LMAN2: variants seen among roughly 807,000 people sequenced by gnomAD.
LMAN2 encodes lectin, mannose binding 2.
LMAN2 carries 22 observed loss-of-function variants against 39.3 expected under a neutral mutation model. The ratio of observed to expected loss-of-function variants is 0.56; its 90% confidence interval spans 0.40 to 0.80. The LOEUF (loss-of-function observed/expected upper bound fraction) is 0.80. Ranked by LOEUF, LMAN2 falls within the 30% of genes least tolerant of loss-of-function variation. The pLI is 0.00. For synonymous variants in LMAN2, 207 were observed against 207.8 expected, an observed-to-expected ratio of 1.00 and a Z score of 0.03; for missense variants, 494 against 505.4, an observed-to-expected ratio of 0.98 and a Z score of 0.22.
rs771158865 is a variant in LMAN2, at chr5:177,332,227, C to T, written c.930G>A (p.Thr310=). 19 of 1,612,654 alleles carry T rather than the reference C, an allele frequency of 1.2e-5. 1 individual carries two copies. The highest frequency in any genetic ancestry group is 1.7e-4 in the Middle Eastern group (1 of 6,038). Residue 310 remains threonine (T), a synonymous_variant, in exon 8 of 8, where the codon ACG becomes ACA. Coordinates refer to ENST00000303127, the MANE Select transcript of LMAN2 (RefSeq NM_006816.3). The surrounding 1 kb of genome is among the most constrained non-coding windows in gnomAD (Gnocchi z 6.3). ...KSPKDNVDDP[T]GNFRSGPLTG... is the part of the protein sequence containing the mutation. Reference sequence around the variant, plus strand: ...TCAGGGGCCCGCTGCGGAAGTTCCCCGTGGGGTCGTCCACGTTGTCTGGGG... The same window carrying T: ...TCAGGGGCCCGCTGCGGAAGTTCCCTGTGGGGTCGTCCACGTTGTCTGGGG...
chr5:177,347,063 CAAT>C (rs1375323775), intron 2 of LMAN2, among the ~76,000 whole-genome samples: 2 of 152,082 alleles, frequency 1.3e-5, no homozygotes, highest in South Asian at 2.1e-4. Flanking sequence ...AGCTATCTAA[CAAT>C]AATAAACAAT....
intron 6 of LMAN2, among the ~76,000 whole-genome samples, chr5:177,336,054 G>C (rs1761464550): frequency 6.6e-6 from 1 of 152,198 alleles, no homozygotes; most frequent in South Asian, 2.1e-4. Context: ...AGGAGGGCCA[G>C]AGACAATAAA....
At chr5:177,336,350 T>C (rs1229318568) in intron 6 of LMAN2, among the ~76,000 whole-genome samples, 1 of 152,160 alleles carries the variant, frequency 6.6e-6, no homozygotes, top group Non-Finnish European at 1.5e-5. Flanking sequence ...ACAGAGGCCC[T>C]GGCGCCCCCT....
At chr5:177,350,105 A>C (rs1490280826) in intron 2 of LMAN2, among the ~76,000 whole-genome samples, 1 of 152,236 alleles carries the variant, frequency 6.6e-6, no homozygotes, top group African/African-American at 2.4e-5. Flanking sequence ...AAAGCTGAAG[A>C]AAGTATCCGC....
At position 177,332,328 on chromosome 5, in the gene LMAN2, C is replaced by T. The variant is rs1049114455; in HGVS notation, c.911-82G>A. ...CTGCAGGAGGGCAGTGGGGATGGAA[C>T]AGGACAGCCGGCCACGGTGGGCAGG... On this transcript the variant is annotated intron_variant, in intron 7 of 7. Transcript: ENST00000303127. This position sits in a 1 kb window ranked among gnomAD's most constrained non-coding sequence, Gnocchi z 6.3. 7.4e-6 allele frequency: 10 copies of T among 1,355,148 alleles called. No homozygotes were observed. In the African/African-American group the frequency reaches 1.1e-4, roughly 15 times the overall value. The allele number at this position is 1,355,148 out of a possible 1,614,324, so 83.9% of individuals were successfully genotyped here.
rs1447262658 is a variant in LMAN2, at chr5:177,332,439, T to C, written c.911-193A>G. Among the ~76,000 whole-genome samples the C allele has an allele frequency of 6.6e-6, 1 of 151,734 alleles. No homozygotes were observed. The highest frequency in any genetic ancestry group is 1.5e-5 in the Non-Finnish European group (1 of 67,900). On this transcript the variant is annotated intron_variant, in intron 7 of 7. Coordinates refer to ENST00000303127, the MANE Select transcript of LMAN2 (RefSeq NM_006816.3). This position sits in a 1 kb window ranked among gnomAD's most constrained non-coding sequence, Gnocchi z 6.3. ...CAGCTCTGCAGTCCCCAGGGCAGGG[T>C]GGGGCAGAGAGAGGACCAAGCCCAC...
intron 6 of LMAN2, among the ~76,000 whole-genome samples, chr5:177,336,254 AG>A (rs1581601495): frequency 6.6e-6 from 1 of 152,184 alleles, no homozygotes; most frequent in East Asian, 1.9e-4. Context: ...CCGGGGCAGG[AG>A]GGCACAGGCG....
intron 2 of LMAN2, among the ~76,000 whole-genome samples, chr5:177,344,235 AT>A (rs1269933197): frequency 3.5e-5 from 5 of 143,114 alleles, no homozygotes; most frequent in Admixed American, 6.9e-5. Context: ...AAAAAAAAAA[AT>A]TTTTTTTTAA....
Position 177,331,962 on chromosome 5 carries a change from C to G in LMAN2, c.*124G>C. ...GCAAGAAGCAAAATGTATGAAAATA[C>G]TTTAATCATTTATTTGAAACAGTTA... On this transcript the variant is annotated 3_prime_UTR_variant, in exon 8 of 8. Transcript: ENST00000303127. The G allele has an allele frequency of 8.7e-7, 1 of 1,155,054 alleles. No homozygotes were observed. Among genetic ancestry groups the G allele is most frequent in the Non-Finnish European group, 1.2e-6 (1 of 840,290 alleles). The allele number at this position is 1,155,054 out of a possible 1,614,324, so 71.6% of individuals were successfully genotyped here. A position where few individuals can be genotyped will look rare whatever the true frequency, so the allele number is the denominator to read the frequency against.
At chr5:177,341,970 G>T (rs1232674343) in intron 2 of LMAN2, among the ~76,000 whole-genome samples, 1 of 151,640 alleles carries the variant, frequency 6.6e-6, no homozygotes, top group African/African-American at 2.4e-5. Flanking sequence ...TAATAGAAGA[G>T]GAAAAATAGG....
rs1376568166 is a variant in LMAN2, at chr5:177,332,043, A to G, written c.*43T>C. Reference sequence around the variant, plus strand: ...AATCCCGGTAAAAAAAAAAGTTCACATTGGCTCCTGGGCCCAGGGACAGGC... The same window carrying G: ...AATCCCGGTAAAAAAAAAAGTTCACGTTGGCTCCTGGGCCCAGGGACAGGC... On this transcript the variant is annotated 3_prime_UTR_variant, in exon 8 of 8. Coordinates refer to ENST00000303127, the MANE Select transcript of LMAN2 (RefSeq NM_006816.3). The surrounding 1 kb of genome is among the most constrained non-coding windows in gnomAD (Gnocchi z 6.3). 4.5e-6 allele frequency: 7 copies of G among 1,539,418 alleles called. No individual in the cohort carries two copies. Among genetic ancestry groups the G allele is most frequent in the Non-Finnish European group, 1.8e-6 (2 of 1,141,532 alleles).
intron 2 of LMAN2, among the ~76,000 whole-genome samples, chr5:177,339,083 G>A (rs1462666911): frequency 6.6e-6 from 1 of 152,224 alleles, no homozygotes; most frequent in Non-Finnish European, 1.5e-5. Flanking sequence ...CTGGACTCAC[G>A]CGCAGGGCTT....
chr5:177,339,341 C>T (rs1761519892), intron 2 of LMAN2, among the ~76,000 whole-genome samples: 1 of 152,252 alleles, frequency 6.6e-6, no homozygotes, highest in Admixed American at 6.5e-5. Flanking sequence ...GACTCCAAAA[C>T]CCAGCCCTTC....
At chr5:177,345,066 C>T (rs1443577665) in intron 2 of LMAN2, among the ~76,000 whole-genome samples, 1 of 150,554 alleles carries the variant, frequency 6.6e-6, no homozygotes, top group Non-Finnish European at 1.5e-5. Context: ...TCAGGCTGGG[C>T]GCAGTGGCTC....
intron 2 of LMAN2, among the ~76,000 whole-genome samples, chr5:177,344,255 A>G (rs2127318295): frequency 6.7e-6 from 1 of 148,854 alleles, no homozygotes; most frequent in East Asian, 2.0e-4. Context: ...AATTTTAAAA[A>G]CTGGTTAAAA....
chr5:177,346,655 C>G (rs542155714), intron 2 of LMAN2, among the ~76,000 whole-genome samples: 1 of 151,694 alleles, frequency 6.6e-6, no homozygotes, highest in Non-Finnish European at 1.5e-5. Flanking sequence ...AATCCATATA[C>G]AGAAATTTTT....
chr5:177,344,647 T>C (rs1761608098), intron 2 of LMAN2, among the ~76,000 whole-genome samples: 1 of 151,532 alleles, frequency 6.6e-6, no homozygotes. Context: ...GGCTCACACC[T>C]GTAATCCCAG....
intron 6 of LMAN2, among the ~76,000 whole-genome samples, chr5:177,335,160 G>C (rs1012225624): frequency 6.6e-6 from 1 of 152,180 alleles, no homozygotes; most frequent in African/African-American, 2.4e-5. Flanking sequence ...GCCAAGGGGG[G>C]ACCTAATGAG....
intron 2 of LMAN2, among the ~76,000 whole-genome samples, chr5:177,339,938 C>T (rs1193585007): frequency 6.6e-6 from 1 of 152,056 alleles, no homozygotes; most frequent in African/African-American, 2.4e-5. Flanking sequence ...GATAACAAAA[C>T]CTAGGCCGAG....
Sources: gnomAD v4.1 joint callset for allele counts (sites outside exome capture counted in the v4.1 genomes callset) on GRCh38, gnomAD v4.1.1 for gene constraint, Gnocchi (gnomAD v3.1) non-coding constraint, MANE v1.5 for transcripts, NCBI Gene and HGNC (gene_info 2026-07-23, HGNC 2026-07-21) for gene names.